The following XPR1 variants were observed in gnomAD, a reference collection of about 807,000 sequenced individuals.
XPR1 encodes solute carrier family 53 member 1.
Under a neutral mutation model 87.5 loss-of-function variants are expected in XPR1, and 28 were observed. The ratio of observed to expected loss-of-function variants is 0.32; its 90% CI spans 0.24 to 0.44. The LOEUF (loss-of-function observed/expected upper bound fraction) is 0.44, where lower values mean the gene tolerates loss of function less well. Among genes scored for constraint, XPR1 ranks in the 20% least tolerant of loss-of-function variants. XPR1 has a pLI of 1.00. For synonymous variants in XPR1, 300 were observed against 306.1 expected, an observed-to-expected ratio of 0.98 and a Z score of 0.21; for missense variants, 559 against 862.3, an observed-to-expected ratio of 0.65 and a Z score of 4.41.
At chr1:180,759,377 TAAAG>T (rs1353926841) in intron 2 of XPR1, among the ~76,000 whole-genome samples, 1 of 151,580 alleles carries the variant, frequency 6.6e-6, no homozygotes, top group Non-Finnish European at 1.5e-5. Flanking sequence ...GTAAGACTAA[TAAAG>T]AAGAAAAGAG....
intron 9 of XPR1, among the ~76,000 whole-genome samples, chr1:180,829,671 A>G (rs2102159085): frequency 6.6e-6 from 1 of 152,352 alleles, no homozygotes; most frequent in South Asian, 2.1e-4. Flanking sequence ...GCAGTGCCTG[A>G]CATTTAATAA....
chr1:180,823,358 G>A (rs1650709223), intron 7 of XPR1, among the ~76,000 whole-genome samples: 1 of 152,138 alleles, frequency 6.6e-6, no homozygotes, highest in African/African-American at 2.4e-5. Context: ...CATACAGTGG[G>A]CTTAAAACGA....
At chr1:180,761,783 AG>A (rs1418690151) in intron 2 of XPR1, among the ~76,000 whole-genome samples, 7 of 152,164 alleles carry the variant, frequency 4.6e-5, no homozygotes, top group African/African-American at 1.4e-4. Flanking sequence ...ATATACCCAA[AG>A]GATTATAAAT....
chr1:180,854,262 A>T (rs868381740), intron 11 of XPR1, among the ~76,000 whole-genome samples: 1 of 152,258 alleles, frequency 6.6e-6, no homozygotes, highest in South Asian at 2.1e-4. Flanking sequence ...CTAAGCTTCC[A>T]GCCAAAACCA....
intron 1 of XPR1, among the ~76,000 whole-genome samples, chr1:180,635,759 A>C (rs1654738932): frequency 6.6e-6 from 1 of 152,180 alleles, no homozygotes; most frequent in Non-Finnish European, 1.5e-5. Flanking sequence ...GATCCTGATG[A>C]AACCATTTCT....
chr1:180,785,139 A>ATC (rs747637167), intron 2 of XPR1, among the ~76,000 whole-genome samples: 27 of 150,836 alleles, frequency 1.8e-4, no homozygotes, highest in Non-Finnish European at 3.4e-4. Context: ...AGATAAAACA[A>ATC]TCTCTCTCTC....
intron 2 of XPR1, among the ~76,000 whole-genome samples, chr1:180,764,668 C>T (rs1320593427): frequency 6.6e-6 from 1 of 151,838 alleles, no homozygotes; most frequent in Non-Finnish European, 1.5e-5. Flanking sequence ...TGGGGTTTTG[C>T]CGTGTTGCCC....
intron 2 of XPR1, among the ~76,000 whole-genome samples, chr1:180,746,309 C>T (rs572712354): frequency 6.6e-6 from 1 of 152,220 alleles, no homozygotes; most frequent in Non-Finnish European, 1.5e-5. Flanking sequence ...GTCCATTATA[C>T]CATTCTGTAT....
chr1:180,748,392 A>C (rs1282886278), intron 2 of XPR1, among the ~76,000 whole-genome samples: 1 of 67,642 alleles, frequency 1.5e-5, no homozygotes, highest in Non-Finnish European at 3.4e-5. Context: ...CTGTGTTATT[A>C]TTTATGTCTT....
intron 2 of XPR1, among the ~76,000 whole-genome samples, chr1:180,741,964 A>C (rs1302574261): frequency 1.3e-5 from 2 of 152,040 alleles, no homozygotes; most frequent in Admixed American, 1.3e-4. Context: ...AGTATCCTTG[A>C]ATGTCTGCAA....
intron 14 of XPR1, among the ~76,000 whole-genome samples, chr1:180,881,403 T>G (rs1319499719): frequency 6.6e-6 from 1 of 152,188 alleles, no homozygotes; most frequent in Non-Finnish European, 1.5e-5. Flanking sequence ...GACCTCGTGA[T>G]CCGCCCGCAT....
chr1:180,680,313 A>G (rs1656526030), intron 1 of XPR1, among the ~76,000 whole-genome samples: 1 of 149,604 alleles, frequency 6.7e-6, no homozygotes, highest in Non-Finnish European at 1.5e-5. Context: ...TACAGCTACT[A>G]TGGAGAACAG....
intron 2 of XPR1, among the ~76,000 whole-genome samples, chr1:180,714,393 CT>C (rs1657915307): frequency 7.0e-6 from 1 of 141,896 alleles, no homozygotes; most frequent in Admixed American, 7.0e-5. Context: ...CTCTCTCTCT[CT>C]CTCTCTCTGT....
intron 2 of XPR1, among the ~76,000 whole-genome samples, chr1:180,725,242 G>C (rs1658298585): frequency 6.6e-6 from 1 of 152,142 alleles, no homozygotes; most frequent in African/African-American, 2.4e-5. Flanking sequence ...CTGGAATAAT[G>C]TGCATTTTAA....
rs59051790 is a variant in XPR1, at chr1:180,707,695, A to G, written c.121+25284A>G. Among the ~76,000 whole-genome samples, 264 of 152,346 alleles carry G rather than the reference A, an allele frequency of 1.7e-3. 1 individual carries two copies. Among genetic ancestry groups the G allele is most frequent in the African/African-American group, 6.3e-3 (260 of 41,586 alleles). On this transcript the variant is annotated intron_variant, in intron 2 of 14. Coordinates refer to ENST00000367590, the MANE Select transcript of XPR1 (RefSeq NM_004736.4). ...TACTGCAACTCTCCAGAAAACCTAC[A>G]GAATGTTTATTGGAAACACCTTGGT...
At chr1:180,879,574 CT>C (rs1239392972) in intron 13 of XPR1, among the ~76,000 whole-genome samples, 2 of 152,190 alleles carry the variant, frequency 1.3e-5, no homozygotes, top group Non-Finnish European at 2.9e-5. Flanking sequence ...TGACTTGCTT[CT>C]TTGTATCAGT....
intron 11 of XPR1, among the ~76,000 whole-genome samples, chr1:180,850,830 A>G (rs959262974): frequency 6.6e-6 from 1 of 152,240 alleles, no homozygotes; most frequent in African/African-American, 2.4e-5. Context: ...GTCGTGGTAC[A>G]CACCTGTATT....
chr1:180,699,475 TG>T (rs1249511830), intron 2 of XPR1, among the ~76,000 whole-genome samples: 1 of 93,660 alleles, frequency 1.1e-5, no homozygotes, highest in African/African-American at 4.4e-5. Flanking sequence ...TTTGGTTTTT[TG>T]TTCTTGCGAT....
intron 1 of XPR1, among the ~76,000 whole-genome samples, chr1:180,654,584 A>C (rs1203211456): frequency 6.6e-6 from 1 of 152,080 alleles, no homozygotes; most frequent in East Asian, 1.9e-4. Flanking sequence ...TCCTCCCTCT[A>C]GTTCCTGGCA....
Sources: gnomAD v4.1 joint callset for allele counts (sites outside exome capture counted in the v4.1 genomes callset) on GRCh38, gnomAD v4.1.1 for gene constraint, MANE v1.5 for transcripts, NCBI Gene and HGNC (gene_info 2026-07-23, HGNC 2026-07-21) for gene names.